The following USH1C variants were observed in gnomAD, a reference collection of about 807,000 sequenced individuals.
USH1C encodes the protein harmonin.
In USH1C, 90 loss-of-function variants were observed where a neutral mutation model predicts 119.3. That is an observed-to-expected ratio of 0.75 (90% CI 0.64 to 0.90). USH1C has a LOEUF of 0.90. Among genes scored for constraint, USH1C ranks in the 40% least tolerant of loss-of-function variants. The probability of loss-of-function intolerance (pLI) is 0.00; values close to 1 mark genes in which losing one functional copy is unlikely to be tolerated. For missense variants in USH1C, 1,165 were observed against 1,167.7 expected (o/e 1.00, Z 0.03); for synonymous variants, 465 against 443.3 (o/e 1.05, Z -0.62).
chr11:17,521,502 G>C, intron 12 of USH1C, 91 bp from the exon 13 acceptor site: 1 of 1,407,814 alleles, frequency 7.1e-7, no homozygotes. Flanking sequence ...AGAAAAGTTG[G>C]ATTTTTCTCC....
At chr11:17,494,682 C>G (rs1263798967) in intron 26 of USH1C, 7 of 458,484 alleles carry the variant, frequency 1.5e-5, no homozygotes, top group South Asian at 1.1e-4. Context: ...GCAGGCCACC[C>G]CAGAAGCCAT....
Position 17,531,311 on chromosome 11 carries a change from C to T in USH1C, c.249-19G>A, listed in dbSNP as rs1413204698. 1 of 1,614,008 alleles carries T rather than the reference C, an allele frequency of 6.2e-7. No individual in the cohort carries two copies. The highest frequency in any genetic ancestry group is 8.5e-7 in the Non-Finnish European group (1 of 1,180,040). On this transcript the variant is annotated intron_variant, in intron 3 of 26. Transcript: ENST00000005226. This position sits in a 1 kb window ranked among gnomAD's most constrained non-coding sequence, Gnocchi z 4.2. ...CAGCTTCCTGCCACACAGGAGAGGT[C>T]GGTGATGGTGCAGCTTGGCTGCCAG...
Position 17,544,298 on chromosome 11 carries a change from T to A in USH1C, c.10A>T (p.Lys4Ter). ...TTATGCCGGAATTCTCGGGCCACTTTTCGGTCCATGGCTGGGCCAGGTCCA... is the reference window on the plus strand; with the variant it reads ...TTATGCCGGAATTCTCGGGCCACTTATCGGTCCATGGCTGGGCCAGGTCCA... The part of the protein sequence containing the change: MDR[K>*]VAREFRHKVD... The change falls in exon 1 of 27, where the codon AAA becomes TAA. Residue 4 changes from lysine to a stop codon, truncating the protein, a stop_gained. Transcript: ENST00000005226. LOFTEE classifies it high-confidence loss of function. 1 of 1,614,044 alleles carries A rather than the reference T, an allele frequency of 6.2e-7. No individual in the cohort carries two copies. Among genetic ancestry groups the A allele is most frequent in the Non-Finnish European group, 8.5e-7 (1 of 1,179,958 alleles).
At position 17,533,714 on chromosome 11, in the gene USH1C, C is replaced by A. The variant is rs757737424; in HGVS notation, c.37-392G>T. ...TCCATGGCCAGAAGAAGCCCACTGT[C>A]TTACCTGATGGTGGCTGTAGTGCCG... On this transcript the variant is annotated intron_variant, in intron 1 of 26. Coordinates refer to ENST00000005226, the MANE Select transcript of USH1C (RefSeq NM_153676.4). 74 of 477,336 alleles carry A rather than the reference C, an allele frequency of 1.6e-4. 1 individual carries two copies. The highest frequency in any genetic ancestry group is 6.0e-4 in the South Asian group (39 of 64,694). 29.6% of individuals were successfully genotyped at this position (477,336 alleles called of 1,614,324 possible).
intron 11 of USH1C, 81 bp downstream of exon 11, chr11:17,523,130 G>T: frequency 6.3e-7 from 1 of 1,585,286 alleles, no homozygotes; most frequent in East Asian, 2.2e-5. Flanking sequence ...CAGCCACCCT[G>T]GGAGTGTGTG....
chr11:17,501,191 G>T (rs377753125), intron 22 of USH1C, 41 bp from the exon 23 acceptor site: 618 of 1,513,914 alleles, frequency 4.1e-4, no homozygotes, highest in Middle Eastern at 1.9e-3. Flanking sequence ...CAAGCAGACA[G>T]CAGCCTGTGG....
At position 17,531,989 on chromosome 11, in the gene USH1C, T is replaced by C. The variant is rs545863268; in HGVS notation, c.105-447A>G. On this transcript the variant is annotated intron_variant, in intron 2 of 26. Coordinates refer to ENST00000005226, the MANE Select transcript of USH1C (RefSeq NM_153676.4). The surrounding 1 kb of genome is among the most constrained non-coding windows in gnomAD (Gnocchi z 4.2). ...ACCTTCGACTGCAGCTGCCTGCCCATGTACTCACTGTCACGTCATCTTTTC... is the reference window on the plus strand; with the variant it reads ...ACCTTCGACTGCAGCTGCCTGCCCACGTACTCACTGTCACGTCATCTTTTC... 6.6e-5 allele frequency among the ~76,000 whole-genome samples: 10 copies of C among 152,342 alleles called. No individual in the cohort carries two copies. Among genetic ancestry groups the C allele is most frequent in the African/African-American group, 2.4e-4 (10 of 41,572 alleles).
intron 26 of USH1C, 149 bp from the exon 27 acceptor site, chr11:17,494,525 A>C (rs1030882925): frequency 1.2e-6 from 1 of 843,696 alleles, no homozygotes; most frequent in African/African-American, 1.7e-5. Context: ...TGCAGGCCCC[A>C]AGTGGCTACA....
Position 17,511,228 on chromosome 11 carries a change from G to C in USH1C, c.1413+674C>G, listed in dbSNP as rs149862500. Among the ~76,000 whole-genome samples the C allele has an allele frequency of 6.6e-5, 10 of 152,208 alleles. No homozygotes were observed. In the East Asian group the frequency reaches 1.9e-3, roughly 29 times the overall value. On this transcript the variant is annotated intron_variant, in intron 16 of 26. Coordinates refer to ENST00000005226, the MANE Select transcript of USH1C (RefSeq NM_153676.4). ...GCCTTAGACACACCCTATGTTGAGG[G>C]GAGCAGCCTTAGACTGATAGCCTGA...
At chr11:17,534,868 C>A (rs1851166159) in intron 1 of USH1C, among the ~76,000 whole-genome samples, 1 of 85,520 alleles carries the variant, frequency 1.2e-5, no homozygotes, top group Non-Finnish European at 2.5e-5. Flanking sequence ...AGCGAGACTC[C>A]ATCTCAAAAA....
At chr11:17,507,309 C>G (rs1849689373) in intron 18 of USH1C, among the ~76,000 whole-genome samples, 2 of 152,326 alleles carry the variant, frequency 1.3e-5, no homozygotes, top group African/African-American at 4.8e-5. Flanking sequence ...TCGCTTGTGA[C>G]ATTTATAGTC....
chr11:17,502,087 G>C, intron 20 of USH1C, 107 bp from the exon 21 acceptor site: 1 of 1,234,562 alleles, frequency 8.1e-7, no homozygotes, highest in Non-Finnish European at 1.1e-6. Flanking sequence ...GAAGTGAGGG[G>C]TAGGGCGGGA....
chr11:17,503,250 G>C (rs1387509450), intron 20 of USH1C, among the ~76,000 whole-genome samples: 2 of 152,204 alleles, frequency 1.3e-5, no homozygotes, highest in Non-Finnish European at 2.9e-5. Context: ...ATGTGGAGTC[G>C]ATGCTCTTTG....
chr11:17,502,053 T>C, intron 20 of USH1C, 73 bp from the exon 21 acceptor site: 1 of 1,509,218 alleles, frequency 6.6e-7, no homozygotes, highest in Non-Finnish European at 9.1e-7. Context: ...AGTAGGGGGA[T>C]GAATGGTCGG....
At position 17,531,084 on chromosome 11, in the gene USH1C, G is replaced by A; in HGVS notation, c.387+70C>T. The A allele has an allele frequency of 6.2e-7, 1 of 1,609,884 alleles. No homozygotes were observed. Among genetic ancestry groups the A allele is most frequent in the Non-Finnish European group, 8.5e-7 (1 of 1,178,546 alleles). ...TGACCATGTTGTGCCACACAGCCTA[G>A]TGGATGAATGAGGGGGAGGCAGGAG... On this transcript the variant is annotated intron_variant, in intron 4 of 26. Transcript: ENST00000005226. This position sits in a 1 kb window ranked among gnomAD's most constrained non-coding sequence, Gnocchi z 4.2.
chr11:17,505,164 C>T (rs997534042), intron 19 of USH1C, among the ~76,000 whole-genome samples: 3 of 152,322 alleles, frequency 2.0e-5, no homozygotes, highest in African/African-American at 7.2e-5. Flanking sequence ...CTGAGACTGG[C>T]GGACATTTCT....
chr11:17,513,177 G>A (rs1849968119), intron 15 of USH1C, among the ~76,000 whole-genome samples: 1 of 152,186 alleles, frequency 6.6e-6, no homozygotes, highest in Non-Finnish European at 1.5e-5. Context: ...ATGGTGCCCT[G>A]ATGAGCTGGG....
intron 18 of USH1C, among the ~76,000 whole-genome samples, chr11:17,507,654 TC>T (rs1231395993): frequency 2.0e-5 from 3 of 152,232 alleles, no homozygotes; most frequent in Admixed American, 6.5e-5. Context: ...CCATTAGCAT[TC>T]CTATTTTTGG....
chr11:17,513,077 A>T (rs1849964335), intron 15 of USH1C, among the ~76,000 whole-genome samples: 1 of 152,224 alleles, frequency 6.6e-6, no homozygotes, highest in South Asian at 2.1e-4. Flanking sequence ...GCTGAGGCTC[A>T]GAGAGGTAAA....
Sources: allele counts gnomAD v4.1 joint callset (sites outside exome capture counted in the v4.1 genomes callset), GRCh38; gene constraint gnomAD v4.1.1; non-coding constraint Gnocchi (gnomAD v3.1); transcripts MANE v1.5; gene names NCBI Gene and HGNC (gene_info 2026-07-23, HGNC 2026-07-21).